Variants in RPA3 observed in about 807,000 individuals in gnomAD.
The protein encoded by RPA3 is replication protein A 14 kDa subunit.
In RPA3, 24 loss-of-function variants were observed where a neutral mutation model predicts 13.7. The observed-to-expected ratio is 1.75, with a 90% confidence interval of 1.27 to 2.46. The LOEUF is 2.46. Ranked by LOEUF, RPA3 falls within the 30% of genes most tolerant of loss-of-function variation. The pLI is 0.00. For missense variants in RPA3, 183 were observed against 151.0 expected, an observed-to-expected ratio of 1.21 and a Z score of -1.11; for synonymous variants, 59 against 51.2, an observed-to-expected ratio of 1.15 and a Z score of -0.65.
chr7:7,688,672 C>T (rs370733860), intron 2 of RPA3, among the ~76,000 whole-genome samples: 2 of 152,092 alleles, frequency 1.3e-5, no homozygotes, highest in African/African-American at 4.8e-5. Flanking sequence ...TTTGTAGCAG[C>T]TCCTATATTA....
chr7:7,676,203 T>C (rs987167523), intron 4 of RPA3: 4 of 398,648 alleles, frequency 1.0e-5, no homozygotes, highest in Non-Finnish European at 8.8e-6. Flanking sequence ...TCTCTACCCT[T>C]GGCAGGTTAG....
At chr7:7,685,379 A>T (rs1780019663) in intron 4 of RPA3, among the ~76,000 whole-genome samples, 1 of 148,886 alleles carries the variant, frequency 6.7e-6, no homozygotes, top group East Asian at 2.0e-4. Flanking sequence ...GTGCCATCTC[A>T]GCTCACTGCA....
In RPA3 at chr7:7,686,278, A is replaced by G. The variant is rs28912739; in HGVS notation, c.-926-280T>C. On this transcript the variant is annotated intron_variant, in intron 3 of 7. Coordinates refer to ENST00000223129, the MANE Select transcript of RPA3 (RefSeq NM_002947.5). ...CTTGGCTGAATAGAGAGGGTGTATC[A>G]GGGCCACTATTGGGAAGTGTGTCCA... is the stretch of plus-strand genomic sequence containing the variant. Among the ~76,000 whole-genome samples, 16 of 152,288 alleles carry G rather than the reference A, an allele frequency of 1.1e-4. No homozygotes were observed. The East Asian group carries it at 3.1e-3, about 29-fold the overall frequency.
chr7:7,658,327 G>A (rs1785393673), intron 4 of RPA3, among the ~76,000 whole-genome samples: 1 of 152,194 alleles, frequency 6.6e-6, no homozygotes, highest in African/African-American at 2.4e-5. Flanking sequence ...GATGGCCCTG[G>A]CCAGAACTTC....
intron 4 of RPA3, among the ~76,000 whole-genome samples, chr7:7,653,946 G>A (rs141730575): frequency 1.5e-4 from 23 of 152,272 alleles, no homozygotes; most frequent in African/African-American, 5.5e-4. Context: ...TGCTTAGAGT[G>A]GAGAGATTGA....
intron 2 of RPA3, among the ~76,000 whole-genome samples, chr7:7,712,434 A>G (rs1583764137): frequency 6.6e-6 from 1 of 152,122 alleles, no homozygotes; most frequent in Non-Finnish European, 1.5e-5. Flanking sequence ...TGCTTTTGTC[A>G]GATTTATTCT....
intron 7 of RPA3, among the ~76,000 whole-genome samples, chr7:7,637,645 G>C (rs896784251): frequency 2.7e-5 from 4 of 149,838 alleles, no homozygotes; most frequent in Non-Finnish European, 4.5e-5. Context: ...AATACAAAAT[G>C]TATGTTAAAA....
chr7:7,664,893 A>C (rs957752501), intron 4 of RPA3, among the ~76,000 whole-genome samples: 5 of 152,184 alleles, frequency 3.3e-5, no homozygotes, highest in African/African-American at 1.2e-4. Context: ...CATGCATTTC[A>C]CTGTACAAAA....
chr7:7,677,572 C>G (rs1779773781), intron 4 of RPA3, among the ~76,000 whole-genome samples: 1 of 151,728 alleles, frequency 6.6e-6, no homozygotes. Flanking sequence ...TATGTTGTTG[C>G]AAAGGACAGG....
intron 2 of RPA3, among the ~76,000 whole-genome samples, chr7:7,696,684 A>G (rs186170846): frequency 2.9e-4 from 44 of 152,190 alleles, no homozygotes; most frequent in African/African-American, 1.1e-3. Flanking sequence ...TAAATAAAGC[A>G]CTCCGTAAAG....
chr7:7,675,091 C>T (rs1453276224), intron 4 of RPA3, among the ~76,000 whole-genome samples: 1 of 152,122 alleles, frequency 6.6e-6, no homozygotes, highest in East Asian at 1.9e-4. Context: ...TCTTGAACTC[C>T]TGGCCTCAAG....
At chr7:7,697,061 G>C (rs767217909) in intron 2 of RPA3, among the ~76,000 whole-genome samples, 2 of 151,972 alleles carry the variant, frequency 1.3e-5, no homozygotes, top group African/African-American at 4.8e-5. Context: ...CAGCAGGAAC[G>C]GTCTTGTGGT....
intron 4 of RPA3, among the ~76,000 whole-genome samples, chr7:7,674,839 C>T (rs1193557878): frequency 1.3e-5 from 2 of 152,102 alleles, no homozygotes; most frequent in East Asian, 1.9e-4. Flanking sequence ...CATCAGGCCT[C>T]CTGTGAAGTT....
chr7:7,700,235 C>T (rs911179721), intron 2 of RPA3, among the ~76,000 whole-genome samples: 1 of 152,126 alleles, frequency 6.6e-6, no homozygotes, highest in African/African-American at 2.4e-5. Context: ...TCCCTGCTCC[C>T]CACATGTTGG....
chr7:7,662,995 T>C (rs1785511886), intron 4 of RPA3, among the ~76,000 whole-genome samples: 1 of 124,458 alleles, frequency 8.0e-6, no homozygotes, highest in South Asian at 2.7e-4. Context: ...TAAAGAAGTG[T>C]GTGAGTGCTT....
At chr7:7,670,714 A>G (rs1218915547) in intron 4 of RPA3, among the ~76,000 whole-genome samples, 2 of 152,242 alleles carry the variant, frequency 1.3e-5, no homozygotes, top group Non-Finnish European at 2.9e-5. Context: ...TGAACTAAAA[A>G]GACAAGTAAT....
intron 4 of RPA3, among the ~76,000 whole-genome samples, chr7:7,645,910 AAGAC>A (rs1419552743): frequency 1.3e-5 from 2 of 151,802 alleles, no homozygotes; most frequent in Non-Finnish European, 2.9e-5. Flanking sequence ...TTATGGTTAT[AAGAC>A]AGGAGAATTC....
At chr7:7,666,353 G>A (rs1342827617) in intron 4 of RPA3, among the ~76,000 whole-genome samples, 2 of 151,902 alleles carry the variant, frequency 1.3e-5, no homozygotes, top group African/African-American at 2.4e-5. Flanking sequence ...TCAGGCACAC[G>A]CCACCACACC....
rs2115543736 is a variant in RPA3, at chr7:7,644,187, G to A, written c.-757-3012C>T. ...ATTTGCACTCCCTGATTACTGAAAA[G>A]TTTGAACATTTTTTCAGATTTTTAT... On this transcript the variant is annotated intron_variant, in intron 4 of 7. Transcript: ENST00000223129. Among the ~76,000 whole-genome samples the A allele has an allele frequency of 1.3e-5, 2 of 152,134 alleles. 1 individual carries two copies. Among genetic ancestry groups the A allele is most frequent in the Non-Finnish European group, 2.9e-5 (2 of 67,994 alleles).
Sources: allele counts gnomAD v4.1 joint callset (sites outside exome capture counted in the v4.1 genomes callset), GRCh38; gene constraint gnomAD v4.1.1; transcripts MANE v1.5; gene names NCBI Gene and HGNC (gene_info 2026-07-23, HGNC 2026-07-21).